The following PTPN3 variants were observed in gnomAD, a reference collection of about 807,000 sequenced individuals.
PTPN3 encodes the protein protein tyrosine phosphatase non-receptor type 3.
PTPN3 carries 96 observed loss-of-function variants against 132.7 expected under a neutral mutation model. That is an observed-to-expected ratio of 0.72 (90% confidence interval 0.61 to 0.86). The LOEUF (loss-of-function observed/expected upper bound fraction) is 0.86. Ranked by LOEUF, PTPN3 falls within the 40% of genes least tolerant of loss-of-function variation. The pLI, the probability that PTPN3 is intolerant of heterozygous loss-of-function variation, is 0.00. For synonymous variants in PTPN3, 398 were observed against 429.0 expected, an observed-to-expected ratio of 0.93 and a Z score of 0.89; for missense variants, 1,125 against 1,159.6, an observed-to-expected ratio of 0.97 and a Z score of 0.43.
At chr9:109,533,126 A>ATTTTTT in the PTPN3 span, among the ~76,000 whole-genome samples, 1,301 of 36,542 alleles carry the variant, frequency 0.036, 255 homozygotes, top group East Asian at 0.093. Flanking sequence ...TACCTGGCTA[A>ATTTTTT]TTTTTTTTTT....
chr9:109,453,346 A>G (rs908021804), intron 5 of PTPN3, among the ~76,000 whole-genome samples: 7 of 152,244 alleles, frequency 4.6e-5, no homozygotes, highest in African/African-American at 1.4e-4. Flanking sequence ...TTCAATACTA[A>G]GCATCTATTG....
At chr9:109,463,170 A>G (rs1046939047) in intron 2 of PTPN3, 127 bp downstream of exon 2, 7 of 1,034,672 alleles carry the variant, frequency 6.8e-6, no homozygotes, top group Non-Finnish European at 9.5e-6. Context: ...ATCTCAACAT[A>G]CAAGATCTGA....
Position 109,445,283 on chromosome 9 carries a change from G to A in PTPN3, c.423C>T (p.Cys141=), listed in dbSNP as rs61747620. ...KMDICEGRLT[C]PLNSAVVLAS... ...CTAGAACCACTGCTGAGTTAAGAGG[G>A]CAGGTTAACCTGTCAGGAGAAAAAC... The change falls in exon 7 of 26, where the codon TGC becomes TGT. Residue 141 remains cysteine (C), a synonymous_variant. Coordinates refer to ENST00000374541, the MANE Select transcript of PTPN3 (RefSeq NM_002829.4). 1,011 of 1,613,520 alleles carry A rather than the reference G, an allele frequency of 6.3e-4. 6 individuals carry two copies. The African/African-American group carries it at 9.9e-3, about 16-fold the overall frequency.
chr9:109,535,699 GTTTC>G, the PTPN3 span, among the ~76,000 whole-genome samples: 1 of 151,930 alleles, frequency 6.6e-6, no homozygotes, highest in Non-Finnish European at 1.5e-5. Flanking sequence ...TAGAGATAGG[GTTTC>G]ACCACGTTGG....
intron 5 of PTPN3, chr9:109,451,068 G>A: frequency 2.1e-6 from 2 of 973,234 alleles, no homozygotes; most frequent in Non-Finnish European, 2.4e-6. Flanking sequence ...TAAAGCATGT[G>A]AATTAATGGT....
intron 10 of PTPN3, among the ~76,000 whole-genome samples, chr9:109,432,390 C>T (rs979116564): frequency 6.6e-5 from 10 of 152,140 alleles, no homozygotes; most frequent in African/African-American, 9.7e-5. Flanking sequence ...TCTGCATCTC[C>T]TGCCGTCTAT....
intron 1 of PTPN3, among the ~76,000 whole-genome samples, chr9:109,478,798 C>T (rs1170780549): frequency 6.6e-6 from 1 of 152,150 alleles, no homozygotes; most frequent in Non-Finnish European, 1.5e-5. Context: ...CAGGAGAGAG[C>T]CCACACTCAC....
intron 2 of PTPN3, among the ~76,000 whole-genome samples, chr9:109,458,148 C>T (rs988263692): frequency 6.6e-6 from 1 of 152,142 alleles, no homozygotes; most frequent in Non-Finnish European, 1.5e-5. Context: ...TGTCAAAGGC[C>T]GTCGAGGGCT....
chr9:109,529,430 T>TC, the PTPN3 span, among the ~76,000 whole-genome samples: 29,603 of 152,054 alleles, frequency 0.19, 3,244 homozygotes, highest in Non-Finnish European at 0.23. Flanking sequence ...TCCGAGAGAG[T>TC]GCCCCAGTTA....
Position 109,391,117 on chromosome 9 carries a change from T to G in PTPN3, c.2106+21A>C, listed in dbSNP as rs769120819. 2.6e-5 allele frequency: 41 copies of G among 1,601,840 alleles called. No homozygotes were observed. The Middle Eastern group carries it at 4.9e-4, about 19-fold the overall frequency. On this transcript the variant is annotated intron_variant, in intron 21 of 25. Transcript: ENST00000374541. ...ACAGTGGTGAATGTGCTCTTAAGCATCATCCAGATTCCTAACTTACGTTCA... is the reference window on the plus strand; with the variant it reads ...ACAGTGGTGAATGTGCTCTTAAGCAGCATCCAGATTCCTAACTTACGTTCA...
At position 109,492,444 on chromosome 9, in the gene PTPN3, C is replaced by T. The variant is rs940306645; in HGVS notation, c.-18+5775G>A. Among the ~76,000 whole-genome samples, 15 of 152,342 alleles carry T rather than the reference C, an allele frequency of 9.8e-5. No individual in the cohort carries two copies. The East Asian group carries it at 2.9e-3, about 29-fold the overall frequency. On this transcript the variant is annotated intron_variant, in intron 1 of 25. Coordinates refer to ENST00000374541, the MANE Select transcript of PTPN3 (RefSeq NM_002829.4). ...CTGAGGAGGGACCTTCACTCACCCA[C>T]AGCGACTCTCAGCACTGAACACAGA...
chr9:109,513,562 C>T, the PTPN3 span, among the ~76,000 whole-genome samples: 20 of 152,290 alleles, frequency 1.3e-4, no homozygotes, highest in Admixed American at 9.8e-4. Flanking sequence ...CCCCAGGTCT[C>T]TAATCCTTAG....
chr9:109,461,472 A>G (rs770900218), intron 2 of PTPN3, among the ~76,000 whole-genome samples: 3 of 152,250 alleles, frequency 2.0e-5, no homozygotes, highest in Non-Finnish European at 4.4e-5. Flanking sequence ...TACAAAATTT[A>G]AGCCAGGCAT....
chr9:109,403,377 T>C (rs1313655021), intron 19 of PTPN3, among the ~76,000 whole-genome samples: 1 of 152,218 alleles, frequency 6.6e-6, no homozygotes, highest in African/African-American at 2.4e-5. Flanking sequence ...AAATAATGCA[T>C]TGTTGATTTC....
At chr9:109,497,488 A>G (rs1198724086) in intron 1 of PTPN3, among the ~76,000 whole-genome samples, 1 of 152,156 alleles carries the variant, frequency 6.6e-6, no homozygotes, top group Non-Finnish European at 1.5e-5. Flanking sequence ...TTTCCAAGTC[A>G]CAAGCTCTTT....
intron 1 of PTPN3, among the ~76,000 whole-genome samples, chr9:109,474,826 G>C (rs1218200867): frequency 1.3e-5 from 2 of 152,056 alleles, no homozygotes; most frequent in Non-Finnish European, 2.9e-5. Context: ...AGACAGCTGT[G>C]GGGGGACCTC....
intron 14 of PTPN3, among the ~76,000 whole-genome samples, chr9:109,419,233 T>G (rs1363458736): frequency 6.6e-6 from 1 of 152,246 alleles, no homozygotes; most frequent in East Asian, 1.9e-4. Context: ...AAACCATGTT[T>G]GCTGTGGGCA....
chr9:109,471,297 A>G (rs1439924535), intron 1 of PTPN3, among the ~76,000 whole-genome samples: 1 of 152,130 alleles, frequency 6.6e-6, no homozygotes, highest in East Asian at 1.9e-4. Flanking sequence ...ACCTCAGGTG[A>G]TTTGCCTGCC....
intron 5 of PTPN3, among the ~76,000 whole-genome samples, chr9:109,454,153 C>G (rs1417064067): frequency 2.5e-5 from 2 of 81,196 alleles, no homozygotes; most frequent in East Asian, 4.3e-4. Context: ...TACATCCTGC[C>G]TACATTGGTA....
Sources: gnomAD v4.1 joint callset for allele counts (sites outside exome capture counted in the v4.1 genomes callset) on GRCh38, gnomAD v4.1.1 for gene constraint, MANE v1.5 for transcripts, NCBI Gene and HGNC (gene_info 2026-07-23, HGNC 2026-07-21) for gene names.